Variants in CCDC62 observed in about 807,000 individuals in gnomAD.
CCDC62 encodes the protein coiled-coil domain-containing protein 62.
In CCDC62, 72 loss-of-function variants were observed where a neutral mutation model predicts 80.8. That is an observed-to-expected ratio of 0.89 (90% CI 0.74 to 1.08). The LOEUF (loss-of-function observed/expected upper bound fraction) is 1.08. Among genes scored for constraint, CCDC62 ranks in the 50% least tolerant of loss-of-function variants. The probability of loss-of-function intolerance (pLI) is 0.00; values close to 1 mark genes in which losing one functional copy is unlikely to be tolerated. For missense variants in CCDC62, 704 were observed against 809.4 expected (o/e 0.87, Z 1.58); for synonymous variants, 286 against 296.5 (o/e 0.96, Z 0.36).
At chr12:122,808,566 G>A (rs1006518863) in intron 10 of CCDC62, among the ~76,000 whole-genome samples, 9 of 151,246 alleles carry the variant, frequency 6.0e-5, no homozygotes, top group South Asian at 2.1e-4. Context: ...TCACTCTGTC[G>A]CCCAAGCTGG....
At chr12:122,822,024 T>C (rs1472007571) in intron 11 of CCDC62, among the ~76,000 whole-genome samples, 1 of 144,780 alleles carries the variant, frequency 6.9e-6, no homozygotes, top group Non-Finnish European at 1.5e-5. Context: ...AAGCCAGGAA[T>C]GGGCAACAAT....
chr12:122,795,617 G>A (rs2030896225), intron 6 of CCDC62, among the ~76,000 whole-genome samples: 1 of 151,858 alleles, frequency 6.6e-6, no homozygotes, highest in South Asian at 2.1e-4. Flanking sequence ...GTAGAGATGG[G>A]GTTTCACCGT....
chr12:122,774,793 T>C lies in CCDC62; in HGVS notation c.36+87T>C, dbSNP rs1593771339. Reference sequence around the variant, plus strand: ...ATTGCTTCTCAAGAACGGTGTCTACTTAAAATGTGAAACAGGCCGGGCGCG... The same window carrying C: ...ATTGCTTCTCAAGAACGGTGTCTACCTAAAATGTGAAACAGGCCGGGCGCG... On this transcript the variant is annotated intron_variant, in intron 1 of 12. Transcript: ENST00000253079. The C allele has an allele frequency of 3.7e-6, 4 of 1,080,336 alleles. No individual in the cohort carries two copies. The East Asian group carries it at 1.3e-4, about 36-fold the overall frequency. The allele number at this position is 1,080,336 out of a possible 1,614,324, so 66.9% of individuals were successfully genotyped here.
intron 12 of CCDC62, among the ~76,000 whole-genome samples, chr12:122,823,703 TAAA>T (rs71811332): frequency 5.3e-5 from 7 of 133,118 alleles, no homozygotes; most frequent in African/African-American, 5.6e-5. Context: ...CCTTGTCTCT[TAAA>T]AAAAAAAAAA....
chr12:122,807,529 CA>C (rs35131700), intron 10 of CCDC62, among the ~76,000 whole-genome samples: 27 of 104,714 alleles, frequency 2.6e-4, no homozygotes, highest in African/African-American at 4.0e-4. Flanking sequence ...GACTCTGTCT[CA>C]AAAAAAAAAA....
At position 122,785,835 on chromosome 12, in the gene CCDC62, G is replaced by T. The variant is rs769683327; in HGVS notation, c.498+15G>T. ...TAAAGCTAAAGGTAATCAAAAATAA[G>T]AATTCCTCCATTTGCCAGAGTGCTT... is the stretch of plus-strand genomic sequence containing the variant. On this transcript the variant is annotated intron_variant, in intron 4 of 12. Transcript: ENST00000253079. 6.5e-7 allele frequency: 1 copy of T among 1,538,640 alleles called. No homozygotes were observed. Among genetic ancestry groups the T allele is most frequent in the Non-Finnish European group, 9.0e-7 (1 of 1,111,712 alleles).
intron 9 of CCDC62, among the ~76,000 whole-genome samples, chr12:122,804,927 C>T (rs533331954): frequency 6.7e-6 from 1 of 149,696 alleles, no homozygotes; most frequent in East Asian, 2.0e-4. Flanking sequence ...TCTTGTCGCC[C>T]AGCCTGGAGT....
intron 9 of CCDC62, among the ~76,000 whole-genome samples, chr12:122,802,410 CTTTT>C (rs752001572): frequency 7.9e-6 from 1 of 126,862 alleles, no homozygotes; most frequent in Admixed American, 7.9e-5. Context: ...TATCTCTACA[CTTTT>C]TTTTTTTTTT....
chr12:122,822,601 T>A lies in CCDC62; in HGVS notation c.2002-765T>A, dbSNP rs149560684. On this transcript the variant is annotated intron_variant, in intron 11 of 12. Coordinates refer to ENST00000253079, the MANE Select transcript of CCDC62 (RefSeq NM_201435.5). ...TTTTTTTTTTTTTTTTGAGATGGAGTCTCGGTCTGTCGCCCAGGCTGGAGT... is the reference window on the plus strand; with the variant it reads ...TTTTTTTTTTTTTTTTGAGATGGAGACTCGGTCTGTCGCCCAGGCTGGAGT... 5.7e-3 allele frequency among the ~76,000 whole-genome samples: 728 copies of A among 127,308 alleles called. 19 individuals are homozygous for A. Among genetic ancestry groups the A allele is most frequent in the African/African-American group, 0.022 (688 of 31,574 alleles). The allele number at this position is 127,308 out of a possible 152,430, so 83.5% of individuals were successfully genotyped here. A position where few individuals can be genotyped will look rare whatever the true frequency, so the allele number is the denominator to read the frequency against.
At chr12:122,780,130 T>G (rs1202773327) in intron 2 of CCDC62, among the ~76,000 whole-genome samples, 1 of 148,390 alleles carries the variant, frequency 6.7e-6, no homozygotes, top group Non-Finnish European at 1.5e-5. Flanking sequence ...GCCAATATGG[T>G]GAAACCCCAT....
intron 3 of CCDC62, among the ~76,000 whole-genome samples, chr12:122,782,848 C>T (rs1325083922): frequency 6.6e-6 from 1 of 151,296 alleles, no homozygotes; most frequent in Non-Finnish European, 1.5e-5. Flanking sequence ...TGGCTCACAC[C>T]TATAATCCCA....
At position 122,797,610 on chromosome 12, in the gene CCDC62, G is replaced by A. The variant is rs149453351; in HGVS notation, c.861+215G>A. On this transcript the variant is annotated intron_variant, in intron 7 of 12. Coordinates refer to ENST00000253079, the MANE Select transcript of CCDC62 (RefSeq NM_201435.5). ...GGCTGGGGTGCAATGGCCTGATCTC[G>A]GCTCACTGCAACCTCCACCTCCTAG... Among the ~76,000 whole-genome samples, 456 of 151,988 alleles carry A rather than the reference G, an allele frequency of 3.0e-3. 1 individual carries two copies. Among genetic ancestry groups the A allele is most frequent in the African/African-American group, 0.011 (441 of 41,442 alleles).
chr12:122,794,136 C>T (rs1353001420), intron 6 of CCDC62, among the ~76,000 whole-genome samples: 1 of 152,206 alleles, frequency 6.6e-6, no homozygotes, highest in Non-Finnish European at 1.5e-5. Context: ...ATGCACTCTA[C>T]TATGTATTAC....
At chr12:122,811,233 C>T (rs567877828) in intron 10 of CCDC62, among the ~76,000 whole-genome samples, 4 of 61,374 alleles carry the variant, frequency 6.5e-5, no homozygotes, top group East Asian at 1.1e-3. Context: ...TTTTTTCAGA[C>T]GGAGTTTCAC....
rs370400310 is a variant in CCDC62 at position 122,782,025 on chromosome 12, C to CAAA, written c.396+711_396+713dup. 6.7e-4 allele frequency among the ~76,000 whole-genome samples: 44 copies of CAAA among 65,380 alleles called. 1 individual carries two copies. In the South Asian group the frequency reaches 9.5e-3, roughly 14 times the overall value. The allele number at this position is 65,380 out of a possible 152,430, so 42.9% of individuals were successfully genotyped here. ...TGCCACTACACCCCAGCCTGGGTGACAAAAAAAAAAAAAAAAAAGCGTATG... is the reference window on the plus strand; with the variant it reads ...TGCCACTACACCCCAGCCTGGGTGACAAAAAAAAAAAAAAAAAAAAAGCGTATG... On this transcript the variant is annotated intron_variant, in intron 3 of 12. Transcript: ENST00000253079.
intron 1 of CCDC62, 140 bp downstream of exon 1, chr12:122,774,846 T>G: frequency 4.4e-5 from 21 of 479,636 alleles, no homozygotes; most frequent in South Asian, 1.1e-4. Context: ...TCCCAGCGCT[T>G]TGGGAGGCGG....
chr12:122,821,736 T>A (rs1173357306), intron 11 of CCDC62, among the ~76,000 whole-genome samples: 1 of 151,986 alleles, frequency 6.6e-6, no homozygotes, highest in African/African-American at 2.4e-5. Flanking sequence ...CGTGAGCCAC[T>A]GTGCGTAGCC....
At chr12:122,793,121 T>G (rs1448235839) in intron 6 of CCDC62, among the ~76,000 whole-genome samples, 2 of 152,114 alleles carry the variant, frequency 1.3e-5, no homozygotes, top group African/African-American at 4.8e-5. Context: ...TTAGCCTGCA[T>G]TTGGACGAAA....
intron 12 of CCDC62, among the ~76,000 whole-genome samples, chr12:122,824,766 A>T (rs190985853): frequency 6.6e-6 from 1 of 152,336 alleles, no homozygotes; most frequent in East Asian, 1.9e-4. Flanking sequence ...GCAGATGCCC[A>T]TCAATCAACT....
Sources: gnomAD v4.1 joint callset for allele counts (sites outside exome capture counted in the v4.1 genomes callset) on GRCh38, gnomAD v4.1.1 for gene constraint, MANE v1.5 for transcripts, NCBI Gene and HGNC (gene_info 2026-07-23, HGNC 2026-07-21) for gene names.